The following SNTB1 variants were observed in gnomAD, a reference collection of about 807,000 sequenced individuals.
SNTB1 encodes the protein syntrophin beta 1.
A neutral mutation model predicts 48.9 loss-of-function variants in SNTB1; 36 were observed. The observed-to-expected ratio is 0.74, with a 90% CI of 0.56 to 0.97. The LOEUF (loss-of-function observed/expected upper bound fraction) is 0.97, where lower values mean the gene tolerates loss of function less well. Ranked by LOEUF, SNTB1 falls within the 50% of genes least tolerant of loss-of-function variation. The pLI is 0.00. For synonymous variants in SNTB1, 299 were observed against 294.6 expected, an observed-to-expected ratio of 1.01 and a Z score of -0.15; for missense variants, 786 against 703.4, an observed-to-expected ratio of 1.12 and a Z score of -1.33.
At chr8:120,699,319 T>G (rs1468445806) in intron 1 of SNTB1, among the ~76,000 whole-genome samples, 2 of 152,242 alleles carry the variant, frequency 1.3e-5, no homozygotes, top group African/African-American at 4.8e-5. Context: ...ATCTCCATTG[T>G]TAGAGGTGGG....
Position 120,811,915 on chromosome 8 carries a change from G to A in SNTB1, c.-72C>T. The A allele has an allele frequency of 3.1e-6, 4 of 1,280,788 alleles. No homozygotes were observed. Among genetic ancestry groups the A allele is most frequent in the South Asian group, 2.7e-5 (1 of 37,668 alleles). The allele number at this position is 1,280,788 out of a possible 1,614,324, so 79.3% of individuals were successfully genotyped here. On this transcript the variant is annotated 5_prime_UTR_variant, in exon 1 of 7. Transcript: ENST00000517992. Reference sequence around the variant, plus strand: ...AGTGGGGAAGGGTGGCCGGGGGGAGGACGCGGGGCCCGGGGGAGCGAGGAG... The same window carrying A: ...AGTGGGGAAGGGTGGCCGGGGGGAGAACGCGGGGCCCGGGGGAGCGAGGAG...
At chr8:120,601,419 C>A (rs901054039) in intron 3 of SNTB1, among the ~76,000 whole-genome samples, 1 of 152,030 alleles carries the variant, frequency 6.6e-6, no homozygotes, top group Admixed American at 6.6e-5. Flanking sequence ...CTGTGTTTTC[C>A]AAAAAATACC....
chr8:120,706,513 C>T (rs1317222369), intron 1 of SNTB1, among the ~76,000 whole-genome samples: 1 of 152,122 alleles, frequency 6.6e-6, no homozygotes, highest in Non-Finnish European at 1.5e-5. Context: ...ATTAATTTGC[C>T]AGCAATTTGC....
intron 3 of SNTB1, among the ~76,000 whole-genome samples, chr8:120,614,141 T>C (rs907104110): frequency 1.3e-5 from 2 of 152,200 alleles, no homozygotes; most frequent in Non-Finnish European, 2.9e-5. Flanking sequence ...TCATATAACA[T>C]ACATTCTTAG....
intron 1 of SNTB1, among the ~76,000 whole-genome samples, chr8:120,717,867 C>G (rs1023318451): frequency 2.6e-5 from 4 of 152,146 alleles, no homozygotes; most frequent in Admixed American, 6.5e-5. Context: ...ACAAAGCCCT[C>G]TTTCCTCAAA....
chr8:120,765,262 C>G (rs1395076607), intron 1 of SNTB1, among the ~76,000 whole-genome samples: 1 of 152,100 alleles, frequency 6.6e-6, no homozygotes, highest in Non-Finnish European at 1.5e-5. Context: ...AACTGAAAAA[C>G]TCACATTTCT....
intron 1 of SNTB1, among the ~76,000 whole-genome samples, chr8:120,780,495 G>C (rs373308172): frequency 6.6e-6 from 1 of 152,142 alleles, no homozygotes; most frequent in South Asian, 2.1e-4. Flanking sequence ...TCTAAAATAT[G>C]TTTTCCTGAC....
At chr8:120,678,614 C>A (rs1221902557) in intron 2 of SNTB1, among the ~76,000 whole-genome samples, 1 of 152,192 alleles carries the variant, frequency 6.6e-6, no homozygotes, top group African/African-American at 2.4e-5. Context: ...AAACAGGAAG[C>A]TATAAATACT....
intron 3 of SNTB1, among the ~76,000 whole-genome samples, chr8:120,589,176 C>T (rs1816198335): frequency 1.3e-5 from 2 of 152,132 alleles, no homozygotes; most frequent in South Asian, 4.1e-4. Flanking sequence ...AATCACTGAC[C>T]CATGTAACTC....
At chr8:120,681,963 T>A (rs1563850312) in intron 2 of SNTB1, among the ~76,000 whole-genome samples, 1 of 151,790 alleles carries the variant, frequency 6.6e-6, no homozygotes, top group East Asian at 1.9e-4. Context: ...AAAGAGAGAA[T>A]ATTCTCCAAG....
At chr8:120,600,863 G>T (rs1816410888) in intron 3 of SNTB1, among the ~76,000 whole-genome samples, 2 of 151,772 alleles carry the variant, frequency 1.3e-5, no homozygotes, top group South Asian at 4.2e-4. Context: ...GGCCATCCTG[G>T]GAAATATGAG....
intron 3 of SNTB1, among the ~76,000 whole-genome samples, chr8:120,579,711 C>CA (rs1455434224): frequency 6.6e-6 from 1 of 151,838 alleles, no homozygotes; most frequent in Non-Finnish European, 1.5e-5. Flanking sequence ...AACAAACAAA[C>CA]AAAAAACCTA....
At chr8:120,547,612 A>C (rs896619266) in intron 5 of SNTB1, among the ~76,000 whole-genome samples, 6 of 150,934 alleles carry the variant, frequency 4.0e-5, no homozygotes, top group Admixed American at 6.6e-5. Flanking sequence ...AAAAAAAAAA[A>C]ACAACTTTGT....
intron 2 of SNTB1, among the ~76,000 whole-genome samples, chr8:120,651,111 C>G (rs1284031234): frequency 6.6e-6 from 1 of 152,184 alleles, no homozygotes; most frequent in Non-Finnish European, 1.5e-5. Context: ...AATGAACAGT[C>G]TTTCCAAATT....
At chr8:120,769,914 A>G (rs1042000541) in intron 1 of SNTB1, among the ~76,000 whole-genome samples, 1 of 152,220 alleles carries the variant, frequency 6.6e-6, no homozygotes, top group Non-Finnish European at 1.5e-5. Context: ...TAATATTATT[A>G]TGTGATTTAC....
intron 1 of SNTB1, among the ~76,000 whole-genome samples, chr8:120,710,708 C>A (rs1818447632): frequency 6.6e-6 from 1 of 152,166 alleles, no homozygotes. Flanking sequence ...GAGGACAAAG[C>A]AAGGTGCTCT....
chr8:120,754,777 T>G (rs1300737340), intron 1 of SNTB1, among the ~76,000 whole-genome samples: 1 of 152,158 alleles, frequency 6.6e-6, no homozygotes, highest in Non-Finnish European at 1.5e-5. Flanking sequence ...AACAAGATCA[T>G]AAGCAAAGGC....
intron 1 of SNTB1, among the ~76,000 whole-genome samples, chr8:120,727,896 C>A (rs927959372): frequency 1.3e-5 from 2 of 152,170 alleles, no homozygotes; most frequent in Admixed American, 1.3e-4. Flanking sequence ...AGATTAGAAC[C>A]CTGGCTTCCT....
intron 1 of SNTB1, among the ~76,000 whole-genome samples, chr8:120,799,645 G>C (rs1820183470): frequency 6.6e-6 from 1 of 151,930 alleles, no homozygotes; most frequent in South Asian, 2.1e-4. Context: ...GTTTATTAGT[G>C]GGTCAATATG....
Sources: gnomAD v4.1 joint callset for allele counts (sites outside exome capture counted in the v4.1 genomes callset) on GRCh38, gnomAD v4.1.1 for gene constraint, MANE v1.5 for transcripts, NCBI Gene and HGNC (gene_info 2026-07-23, HGNC 2026-07-21) for gene names.